Variants in CTXN2 observed in about 807,000 individuals in gnomAD.
CTXN2 encodes the protein cortexin-2.
A neutral mutation model predicts 5.7 loss-of-function variants in CTXN2; 3 were observed. The observed-to-expected ratio is 0.53, with a 90% confidence interval of 0.24 to 1.36. The LOEUF is 1.36. Among genes scored for constraint, CTXN2 ranks in the 40% most tolerant of loss-of-function variants. The probability of loss-of-function intolerance (pLI) is 0.17; values close to 1 mark genes in which losing one functional copy is unlikely to be tolerated. For missense variants in CTXN2, 87 were observed against 93.0 expected, an observed-to-expected ratio of 0.94 and a Z score of 0.26; for synonymous variants, 38 against 36.4, an observed-to-expected ratio of 1.04 and a Z score of -0.16.
rs1053600286 is a variant in CTXN2 at position 48,202,053 on chromosome 15, C to G, written c.*507C>G. On this transcript the variant is annotated 3_prime_UTR_variant, in exon 2 of 2. Transcript: ENST00000417307. ...AAAAAATATCTCAAAAATCTAACAC[C>G]CAAAGCCTACAAGTAGTCACAGGCC... 2 of 173,070 alleles carry G rather than the reference C, an allele frequency of 1.2e-5. No individual in the cohort carries two copies. Among genetic ancestry groups the G allele is most frequent in the Non-Finnish European group, 2.8e-5 (2 of 71,638 alleles). 10.7% of individuals were successfully genotyped at this position (173,070 alleles called of 1,614,324 possible). A position where few individuals can be genotyped will look rare whatever the true frequency, so the allele number is the denominator to read the frequency against.
rs2040939346 is a variant in CTXN2, at chr15:48,202,861, T to G, written c.*1315T>G. 1 of 165,292 alleles carries G rather than the reference T, an allele frequency of 6.0e-6. No homozygotes were observed. Among genetic ancestry groups the G allele is most frequent in the South Asian group, 2.1e-4 (1 of 4,824 alleles). 10.2% of individuals were successfully genotyped at this position (165,292 alleles called of 1,614,324 possible). ...CCAACTACAAACTTCTGACTCTCTA[T>G]GAGTCAGAATGGAGGAACATAGCAG... On this transcript the variant is annotated 3_prime_UTR_variant, in exon 2 of 2. Coordinates refer to ENST00000417307, the MANE Select transcript of CTXN2 (RefSeq NM_001145668.2).
In CTXN2 at chr15:48,202,767, A is replaced by G. The variant is rs1039950792; in HGVS notation, c.*1221A>G. On this transcript the variant is annotated 3_prime_UTR_variant, in exon 2 of 2. Coordinates refer to ENST00000417307, the MANE Select transcript of CTXN2 (RefSeq NM_001145668.2). ...GCAATGGCTTAGTGTAAATTATTCA[A>G]TCTCTCTAGTATTTCATTCTCTTCA... The G allele has an allele frequency of 3.0e-5, 5 of 166,914 alleles. No individual in the cohort carries two copies. The highest frequency in any genetic ancestry group is 1.2e-4 in the African/African-American group (5 of 41,452). 10.3% of individuals were successfully genotyped at this position (166,914 alleles called of 1,614,324 possible).
Position 48,191,719 on chromosome 15 carries a change from G to C in CTXN2, c.-192G>C, listed in dbSNP as rs1025135693. The C allele has an allele frequency of 6.6e-6, 3 of 455,884 alleles. No homozygotes were observed. Among genetic ancestry groups the C allele is most frequent in the African/African-American group, 6.0e-5 (3 of 50,040 alleles). The allele number at this position is 455,884 out of a possible 1,614,324, so 28.2% of individuals were successfully genotyped here. A position where few individuals can be genotyped will look rare whatever the true frequency, so the allele number is the denominator to read the frequency against. ...TTCTAGGCCAGGAAAGCGCTAACCA[G>C]GGCCCTGTGACTCTACGCAGGTTCC... On this transcript the variant is annotated 5_prime_UTR_variant, in exon 1 of 2. Coordinates refer to ENST00000417307, the MANE Select transcript of CTXN2 (RefSeq NM_001145668.2).
intron 1 of CTXN2, chr15:48,192,525 A>G (rs1410742317): frequency 1.3e-5 from 2 of 152,222 alleles, no homozygotes; most frequent in African/African-American, 4.8e-5. Flanking sequence ...TGTGGTTTCA[A>G]TAATGCTTCT....
chr15:48,186,299 C>T (rs2040754329), intron 1 of CTXN2, among the ~76,000 whole-genome samples: 1 of 152,134 alleles, frequency 6.6e-6, no homozygotes, highest in African/African-American at 2.4e-5. Context: ...GAAAAGTTTA[C>T]CAGAAAACAG....
intron 1 of CTXN2, among the ~76,000 whole-genome samples, chr15:48,193,028 A>T (rs184449599): frequency 6.6e-6 from 1 of 152,218 alleles, no homozygotes; most frequent in Non-Finnish European, 1.5e-5. Context: ...ATCTTTGCTT[A>T]ACTGCTTACG....
In CTXN2 at chr15:48,179,499, A is replaced by G. The variant is rs559374276; in HGVS notation, c.-455+1099A>G. 2.6e-5 allele frequency among the ~76,000 whole-genome samples: 4 copies of G among 152,254 alleles called. No homozygotes were observed. In the South Asian group the frequency reaches 8.3e-4, roughly 32 times the overall value. ...AGAATGCTATTGTAGTTGCTGTATA[A>G]ATTGTTTCTCATTCAACTCTGAGAC... is the stretch of plus-strand genomic sequence containing the variant. On this transcript the variant is annotated intron_variant, in intron 1 of 2. Coordinates refer to the CTXN2 transcript ENST00000644354.
At chr15:48,196,976 CATT>C (rs888318456) in intron 1 of CTXN2, among the ~76,000 whole-genome samples, 1 of 150,092 alleles carries the variant, frequency 6.7e-6, no homozygotes, top group Non-Finnish European at 1.5e-5. Flanking sequence ...TGTAGCTAAA[CATT>C]ATTCTACTGA....
chr15:48,185,075 T>C (rs1293272318), intron 1 of CTXN2, among the ~76,000 whole-genome samples: 1 of 152,148 alleles, frequency 6.6e-6, no homozygotes, highest in East Asian at 1.9e-4. Flanking sequence ...TATGACTCTA[T>C]ACATACATTC....
chr15:48,199,132 G>A (rs1409825285), intron 1 of CTXN2, among the ~76,000 whole-genome samples: 2 of 152,108 alleles, frequency 1.3e-5, no homozygotes, highest in Middle Eastern at 3.2e-3. Flanking sequence ...CTAGAACTCT[G>A]AAGCTAAAAT....
chr15:48,183,274 C>T (rs1863032785), intron 1 of CTXN2, among the ~76,000 whole-genome samples: 1 of 152,046 alleles, frequency 6.6e-6, no homozygotes, highest in Non-Finnish European at 1.5e-5. Context: ...AAAATCAGGC[C>T]AAATGTTTTA....
intron 1 of CTXN2, among the ~76,000 whole-genome samples, chr15:48,200,624 G>A (rs563111052): frequency 3.2e-4 from 48 of 152,112 alleles, no homozygotes; most frequent in Non-Finnish European, 6.0e-4. Context: ...GCTCTGTTGG[G>A]CACTGCCTGC....
chr15:48,201,690 T>C lies in CTXN2; in HGVS notation c.*144T>C. 1 of 797,402 alleles carries C rather than the reference T, an allele frequency of 1.3e-6. No individual in the cohort carries two copies. The highest frequency in any genetic ancestry group is 2.0e-6 in the Non-Finnish European group (1 of 501,458). 49.4% of individuals were successfully genotyped at this position (797,402 alleles called of 1,614,324 possible). On this transcript the variant is annotated 3_prime_UTR_variant, in exon 2 of 2. Coordinates refer to ENST00000417307, the MANE Select transcript of CTXN2 (RefSeq NM_001145668.2). ...TGTGACTAATTTCTTCACCATGCTG[T>C]GTAAATGATAAACTATTGTTGGGAT...
chr15:48,195,524 C>T (rs887239555), intron 1 of CTXN2, among the ~76,000 whole-genome samples: 1 of 152,114 alleles, frequency 6.6e-6, no homozygotes, highest in Non-Finnish European at 1.5e-5. Flanking sequence ...TTCCCATACT[C>T]CCCCTTGCCT....
intron 1 of CTXN2, chr15:48,178,674 T>G (rs2040651635): frequency 6.2e-6 from 1 of 161,600 alleles, no homozygotes; most frequent in South Asian, 2.0e-4. Flanking sequence ...ACACACCACT[T>G]TGCATCTTTA....
chr15:48,179,004 T>G (rs975712340), intron 1 of CTXN2, among the ~76,000 whole-genome samples: 10 of 151,684 alleles, frequency 6.6e-5, no homozygotes, highest in African/African-American at 2.4e-4. Flanking sequence ...ATTTGAGGTT[T>G]TGACTGTGTG....
At chr15:48,194,448 C>A (rs1208623311) in intron 1 of CTXN2, among the ~76,000 whole-genome samples, 1 of 151,980 alleles carries the variant, frequency 6.6e-6, no homozygotes, top group African/African-American at 2.4e-5. Flanking sequence ...ATTTAGTGTC[C>A]CTCCTAGACT....
intron 1 of CTXN2, among the ~76,000 whole-genome samples, chr15:48,179,297 G>A (rs2040664118): frequency 2.0e-5 from 3 of 151,978 alleles, no homozygotes; most frequent in African/African-American, 7.3e-5. Context: ...CACATCAGTG[G>A]TAAAGTTATA....
rs1340220386 is a variant in CTXN2 at position 48,203,568 on chromosome 15, C to G, written c.*2022C>G. 1.2e-5 allele frequency: 2 copies of G among 167,116 alleles called. No individual in the cohort carries two copies. Among genetic ancestry groups the G allele is most frequent in the South Asian group, 2.1e-4 (1 of 4,792 alleles). 10.4% of individuals were successfully genotyped at this position (167,116 alleles called of 1,614,324 possible). A position where few individuals can be genotyped will look rare whatever the true frequency, so the allele number is the denominator to read the frequency against. Reference sequence around the variant, plus strand: ...CAGAGAAGACACCCACCAAGACCCTCCATTTTGATGACTAGAACAAACCAA... The same window carrying G: ...CAGAGAAGACACCCACCAAGACCCTGCATTTTGATGACTAGAACAAACCAA... On this transcript the variant is annotated 3_prime_UTR_variant, in exon 2 of 2. Transcript: ENST00000417307.
Sources: allele counts gnomAD v4.1 joint callset (sites outside exome capture counted in the v4.1 genomes callset), GRCh38; gene constraint gnomAD v4.1.1; transcripts MANE v1.5; gene names NCBI Gene and HGNC (gene_info 2026-07-23, HGNC 2026-07-21).